LRMDA: variants seen among roughly 807,000 people sequenced by gnomAD.
LRMDA encodes the protein leucine-rich melanocyte differentiation-associated protein.
In LRMDA, 18 loss-of-function variants were observed where a neutral mutation model predicts 29.8. The ratio of observed to expected loss-of-function variants is 0.60; its 90% CI spans 0.42 to 0.90. The LOEUF is 0.90. Among genes scored for constraint, LRMDA ranks in the 40% least tolerant of loss-of-function variants. LRMDA has a pLI of 0.00. For synonymous variants in LRMDA, 125 were observed against 109.4 expected (o/e 1.14, Z -0.89); for missense variants, 273 against 273.9 (o/e 1.00, Z 0.02).
At chr10:76,504,604 T>A (rs1336960275) in intron 6 of LRMDA, among the ~76,000 whole-genome samples, 2 of 152,116 alleles carry the variant, frequency 1.3e-5, no homozygotes, top group Non-Finnish European at 2.9e-5. Flanking sequence ...TTTTAAAGTT[T>A]GTTTTATCTG....
At chr10:75,605,274 G>C (rs1420638306) in intron 2 of LRMDA, among the ~76,000 whole-genome samples, 1 of 152,144 alleles carries the variant, frequency 6.6e-6, no homozygotes, top group Admixed American at 6.5e-5. Flanking sequence ...TCTCCCTGAC[G>C]CTGGTTGGAT....
At chr10:76,527,013 TAAATAAATAAAA>T (rs1432970694) in intron 6 of LRMDA, among the ~76,000 whole-genome samples, 3 of 69,656 alleles carry the variant, frequency 4.3e-5, no homozygotes, top group Admixed American at 3.3e-4. Context: ...AATAAATAAA[TAAATAAATAAAA>T]ATGCCCTAAA....
At chr10:75,918,769 G>C (rs1272197882) in intron 2 of LRMDA, among the ~76,000 whole-genome samples, 2 of 152,182 alleles carry the variant, frequency 1.3e-5, no homozygotes, top group African/African-American at 4.8e-5. Flanking sequence ...AGAGAGCATA[G>C]AGTAGGTAAG....
chr10:76,471,947 A>T (rs1842622012), intron 6 of LRMDA, among the ~76,000 whole-genome samples: 1 of 151,826 alleles, frequency 6.6e-6, no homozygotes, highest in Non-Finnish European at 1.5e-5. Context: ...CTGACAGACC[A>T]GAAGGGAAAA....
chr10:76,140,691 ACTCT>A (rs150544970), intron 5 of LRMDA, among the ~76,000 whole-genome samples: 1 of 150,684 alleles, frequency 6.6e-6, no homozygotes, highest in Non-Finnish European at 1.5e-5. Flanking sequence ...ACAGGGTGGA[ACTCT>A]CTCTCTCTCT....
chr10:75,712,275 C>T (rs2132178645), intron 2 of LRMDA, among the ~76,000 whole-genome samples: 1 of 152,296 alleles, frequency 6.6e-6, no homozygotes, highest in Admixed American at 6.5e-5. Context: ...GTCTTTCTCT[C>T]TTCCATTCCC....
chr10:76,477,456 C>G (rs4745817), intron 6 of LRMDA, among the ~76,000 whole-genome samples: 103,851 of 151,352 alleles, frequency 0.69, 37,181 homozygotes, highest in Non-Finnish European at 0.8. Flanking sequence ...GAATCAATAT[C>G]GTGAAAATGG....
At chr10:75,550,339 A>G (rs988054580) in intron 2 of LRMDA, among the ~76,000 whole-genome samples, 2 of 152,058 alleles carry the variant, frequency 1.3e-5, no homozygotes, top group African/African-American at 4.8e-5. Flanking sequence ...TTTCAGTTTG[A>G]TCAGATTTTT....
At chr10:76,334,239 C>CCA (rs1393597368) in intron 6 of LRMDA, among the ~76,000 whole-genome samples, 1 of 152,184 alleles carries the variant, frequency 6.6e-6, no homozygotes, top group Non-Finnish European at 1.5e-5. Context: ...ATTGTTCAGC[C>CCA]GTGAGCTCGG....
intron 5 of LRMDA, among the ~76,000 whole-genome samples, chr10:76,129,860 C>A (rs1055982452): frequency 1.2e-4 from 18 of 152,306 alleles, no homozygotes; most frequent in African/African-American, 4.3e-4. Context: ...GGGTCTTCAA[C>A]CAGACTACTG....
intron 5 of LRMDA, among the ~76,000 whole-genome samples, chr10:76,209,079 A>G (rs546512337): frequency 1.3e-5 from 2 of 152,190 alleles, no homozygotes; most frequent in African/African-American, 2.4e-5. Context: ...ACTTGAACCC[A>G]GGAGGCAGAG....
At chr10:76,344,150 G>A (rs920744600) in intron 6 of LRMDA, among the ~76,000 whole-genome samples, 5 of 151,852 alleles carry the variant, frequency 3.3e-5, no homozygotes, top group Non-Finnish European at 7.4e-5. Flanking sequence ...GAATTTAAGG[G>A]AAACAACTAA....
At chr10:76,080,830 G>T (rs752305955) in intron 5 of LRMDA, among the ~76,000 whole-genome samples, 12 of 152,144 alleles carry the variant, frequency 7.9e-5, no homozygotes, top group Non-Finnish European at 1.0e-4. Flanking sequence ...AGTAGAATAG[G>T]CTGGGTACTC....
At chr10:75,513,297 C>G (rs1845248683) in intron 2 of LRMDA, among the ~76,000 whole-genome samples, 1 of 152,168 alleles carries the variant, frequency 6.6e-6, no homozygotes, top group Non-Finnish European at 1.5e-5. Context: ...CTGTGTCTTC[C>G]TATCACGCTT....
intron 6 of LRMDA, among the ~76,000 whole-genome samples, chr10:76,527,204 G>A (rs1410767721): frequency 1.3e-5 from 2 of 152,004 alleles, no homozygotes; most frequent in Non-Finnish European, 2.9e-5. Context: ...ATTCCCAGTT[G>A]TTCCAGCTCA....
chr10:75,456,923 G>A (rs549618705), intron 2 of LRMDA, among the ~76,000 whole-genome samples: 1 of 152,232 alleles, frequency 6.6e-6, no homozygotes, highest in East Asian at 1.9e-4. Context: ...CAATCCACCT[G>A]CCTTGGCCTC....
intron 2 of LRMDA, among the ~76,000 whole-genome samples, chr10:75,929,531 C>A (rs1188444584): frequency 2.6e-5 from 4 of 152,088 alleles, no homozygotes; most frequent in African/African-American, 9.7e-5. Flanking sequence ...AGTTACATGG[C>A]TAACAGTTTG....
At chr10:75,578,375 C>T (rs1244088413) in intron 2 of LRMDA, among the ~76,000 whole-genome samples, 1 of 151,894 alleles carries the variant, frequency 6.6e-6, no homozygotes, top group African/African-American at 2.4e-5. Context: ...TATATGTACC[C>T]AGTACAGGAG....
intron 5 of LRMDA, among the ~76,000 whole-genome samples, chr10:76,154,207 G>A (rs932453064): frequency 6.6e-6 from 1 of 152,054 alleles, no homozygotes; most frequent in African/African-American, 2.4e-5. Flanking sequence ...CCTTCTGATG[G>A]ATACATCCTG....
Sources: gnomAD v4.1 joint callset for allele counts (sites outside exome capture counted in the v4.1 genomes callset) on GRCh38, gnomAD v4.1.1 for gene constraint, MANE v1.5 for transcripts, NCBI Gene and HGNC (gene_info 2026-07-23, HGNC 2026-07-21) for gene names.